The following ARRB1 variants were observed in gnomAD, a reference collection of about 807,000 sequenced individuals.
The protein encoded by ARRB1 is beta-arrestin-1.
Under a neutral mutation model 56.8 loss-of-function variants are expected in ARRB1, and 21 were observed. The ratio of observed to expected loss-of-function variants is 0.37; its 90% CI spans 0.26 to 0.53. The LOEUF is 0.53. Ranked by LOEUF, ARRB1 falls within the 20% of genes least tolerant of loss-of-function variation. The pLI is 0.88. For missense variants in ARRB1, 424 were observed against 553.7 expected, an observed-to-expected ratio of 0.77 and a Z score of 2.35; for synonymous variants, 210 against 218.6, an observed-to-expected ratio of 0.96 and a Z score of 0.35.
chr11:75,313,124 G>A (rs562424554), intron 1 of ARRB1, among the ~76,000 whole-genome samples: 73 of 152,180 alleles, frequency 4.8e-4, no homozygotes, highest in African/African-American at 1.1e-3. Context: ...AGGCCAAGGC[G>A]GGCAGATCAC....
In ARRB1 at chr11:75,341,446, C is replaced by T. The variant is rs982307649; in HGVS notation, c.20+10142G>A. ...AGCCACCATGCCTGGCCGACAATGG[C>T]TTTTTATGAAGCCCTTACCCTCTCT... On this transcript the variant is annotated intron_variant, in intron 1 of 15. Transcript: ENST00000420843. Among the ~76,000 whole-genome samples the T allele has an allele frequency of 3.5e-4, 53 of 152,258 alleles. 1 individual carries two copies. The highest frequency in any genetic ancestry group is 1.3e-3 in the African/African-American group (52 of 41,556).
chr11:75,348,997 C>T (rs947884664), intron 1 of ARRB1, among the ~76,000 whole-genome samples: 1 of 152,186 alleles, frequency 6.6e-6, no homozygotes, highest in Non-Finnish European at 1.5e-5. Flanking sequence ...GGGTGCAATT[C>T]CAGATGGAGG....
chr11:75,331,301 A>C (rs1311153180), intron 1 of ARRB1, among the ~76,000 whole-genome samples: 1 of 151,446 alleles, frequency 6.6e-6, no homozygotes, highest in African/African-American at 2.4e-5. Flanking sequence ...GTGACCCACC[A>C]TGCCTGGCCA....
chr11:75,342,704 G>A (rs1359116466), intron 1 of ARRB1, among the ~76,000 whole-genome samples: 1 of 152,106 alleles, frequency 6.6e-6, no homozygotes, highest in African/African-American at 2.4e-5. Flanking sequence ...GATGAAGAAT[G>A]GAGCGCGCCC....
chr11:75,268,872 C>G lies in ARRB1; in HGVS notation c.1093+17G>C, dbSNP rs930757631. The G allele has an allele frequency of 3.1e-6, 5 of 1,608,584 alleles. No individual in the cohort carries two copies. Among genetic ancestry groups the G allele is most frequent in the Non-Finnish European group, 4.2e-6 (5 of 1,178,558 alleles). ...GCTAGAGAACCCCTACCCCAGAGAC[C>G]TACAGATTCTGCTCACCTTCCCGAT... On this transcript the variant is annotated intron_variant, in intron 14 of 15. Transcript: ENST00000420843.
At chr11:75,308,366 A>G (rs1388242986) in intron 1 of ARRB1, among the ~76,000 whole-genome samples, 1 of 152,214 alleles carries the variant, frequency 6.6e-6, no homozygotes, top group Non-Finnish European at 1.5e-5. Context: ...GAGCCCAGAG[A>G]CAGCACTAAG....
intron 1 of ARRB1, among the ~76,000 whole-genome samples, chr11:75,337,299 G>A (rs576342943): frequency 6.6e-6 from 1 of 152,254 alleles, no homozygotes; most frequent in East Asian, 1.9e-4. Flanking sequence ...AAAAATCTTC[G>A]AGGCTGCAGT....
intron 1 of ARRB1, among the ~76,000 whole-genome samples, chr11:75,300,923 G>A (rs1398555296): frequency 1.4e-5 from 2 of 141,006 alleles, no homozygotes; most frequent in Non-Finnish European, 3.0e-5. Flanking sequence ...AGCCGAGATC[G>A]CGCCACTGCA....
rs568701947 is a variant in ARRB1, at chr11:75,263,905, A to G, written c.*2258T>C. On this transcript the variant is annotated 3_prime_UTR_variant, in exon 16 of 16. Transcript: ENST00000420843. Reference sequence around the variant, plus strand: ...CCATGCATGAGTTAGGGATAGGGGAAGAAGTCTGCAGGAAAGAGGTCATCC... The same window carrying G: ...CCATGCATGAGTTAGGGATAGGGGAGGAAGTCTGCAGGAAAGAGGTCATCC... Among the ~76,000 whole-genome samples the G allele has an allele frequency of 9.2e-5, 14 of 152,342 alleles. No individual in the cohort carries two copies. Among genetic ancestry groups the G allele is most frequent in the Admixed American group, 3.9e-4 (6 of 15,300 alleles).
rs868493779 is a variant in ARRB1 at position 75,323,078 on chromosome 11, A to G, written c.20+28510T>C. Among the ~76,000 whole-genome samples, 11 of 152,338 alleles carry G rather than the reference A, an allele frequency of 7.2e-5. No individual in the cohort carries two copies. The South Asian group carries it at 8.3e-4, about 11-fold the overall frequency. On this transcript the variant is annotated intron_variant, in intron 1 of 15. Transcript: ENST00000420843. Reference sequence around the variant, plus strand: ...GAGGTAGCAATGAGAGAGAAAGAGAAAACTGGACAGATTCAGAGATAAAAT... The same window carrying G: ...GAGGTAGCAATGAGAGAGAAAGAGAGAACTGGACAGATTCAGAGATAAAAT...
chr11:75,271,429 T>TA (rs1035357747), intron 13 of ARRB1: 1 of 364,358 alleles, frequency 2.7e-6, no homozygotes, highest in African/African-American at 2.1e-5. Flanking sequence ...AGGTGATCAG[T>TA]AATTCAGACA....
At chr11:75,296,489 G>A (rs1035227531) in intron 1 of ARRB1, among the ~76,000 whole-genome samples, 3 of 152,042 alleles carry the variant, frequency 2.0e-5, no homozygotes, top group Admixed American at 2.0e-4. Context: ...CTGCAGCATA[G>A]GGTACCTGTG....
At chr11:75,314,527 T>C (rs1947228141) in intron 1 of ARRB1, among the ~76,000 whole-genome samples, 1 of 152,140 alleles carries the variant, frequency 6.6e-6, no homozygotes, top group African/African-American at 2.4e-5. Context: ...GGGAGTCAGG[T>C]CAGAGCAATG....
chr11:75,349,427 T>C (rs1052705628), intron 1 of ARRB1, among the ~76,000 whole-genome samples: 1 of 152,158 alleles, frequency 6.6e-6, no homozygotes, highest in South Asian at 2.1e-4. Context: ...GGGGGAGCCA[T>C]GGAAAATACC....
intron 1 of ARRB1, among the ~76,000 whole-genome samples, chr11:75,298,638 A>G (rs1450801349): frequency 1.3e-5 from 2 of 152,210 alleles, no homozygotes; most frequent in Non-Finnish European, 2.9e-5. Context: ...GTTCCTTTAA[A>G]AGTTAAACCG....
At chr11:75,268,815 G>T (rs1399289491) in intron 14 of ARRB1, 74 bp downstream of exon 14, 1 of 1,523,200 alleles carries the variant, frequency 6.6e-7, no homozygotes, top group African/African-American at 1.4e-5. Context: ...GCGAACCCGG[G>T]GCGGGGTGGG....
intron 1 of ARRB1, among the ~76,000 whole-genome samples, chr11:75,302,619 C>A (rs971806171): frequency 1.3e-5 from 2 of 152,128 alleles, no homozygotes; most frequent in African/African-American, 4.8e-5. Context: ...TCTGCTTGAG[C>A]CCAGTGTGAC....
intron 14 of ARRB1, 25 bp from the exon 15 acceptor site, chr11:75,267,728 G>GCC: frequency 1.1e-6 from 1 of 936,492 alleles, no homozygotes; most frequent in Non-Finnish European, 1.8e-6. Context: ...GGTGGGCAGG[G>GCC]TGTCCAGGGA....
intron 12 of ARRB1, 25 bp from the exon 13 acceptor site, chr11:75,271,749 G>A (rs1411247009): frequency 1.9e-6 from 3 of 1,567,984 alleles, no homozygotes; most frequent in Non-Finnish European, 1.7e-6. Context: ...GGAGGCAGGA[G>A]AAGTGGTCAG....
Sources: allele counts gnomAD v4.1 joint callset (sites outside exome capture counted in the v4.1 genomes callset), GRCh38; gene constraint gnomAD v4.1.1; transcripts MANE v1.5; gene names NCBI Gene and HGNC (gene_info 2026-07-23, HGNC 2026-07-21).